The following SH3BGRL2 variants were observed in gnomAD, a reference collection of about 807,000 sequenced individuals.
The protein encoded by SH3BGRL2 is SH3 domain binding glutamate rich protein like 2.
A neutral mutation model predicts 14.8 loss-of-function variants in SH3BGRL2; 21 were observed. That is an observed-to-expected ratio of 1.42 (90% CI 1.01 to 2.05). SH3BGRL2 has a LOEUF of 2.05. Ranked by LOEUF, SH3BGRL2 falls within the 30% of genes most tolerant of loss-of-function variation. SH3BGRL2 has a pLI of 0.00. For synonymous variants in SH3BGRL2, 50 were observed against 47.8 expected (o/e 1.05, Z -0.19); for missense variants, 147 against 130.8 (o/e 1.12, Z -0.61).
the SH3BGRL2 span, among the ~76,000 whole-genome samples, chr6:79,567,485 T>A: frequency 1.3e-5 from 2 of 152,318 alleles, no homozygotes; most frequent in East Asian, 3.9e-4. Flanking sequence ...AGCAGGAACC[T>A]CAGTGACAGG....
chr6:79,581,759 A>C, the SH3BGRL2 span, among the ~76,000 whole-genome samples: 1 of 151,460 alleles, frequency 6.6e-6, no homozygotes, highest in Non-Finnish European at 1.5e-5. Flanking sequence ...TCACCACTTC[A>C]ACATAGTGTT....
At chr6:79,562,737 G>A in the SH3BGRL2 span, among the ~76,000 whole-genome samples, 1 of 152,154 alleles carries the variant, frequency 6.6e-6, no homozygotes, top group Non-Finnish European at 1.5e-5. Flanking sequence ...GGCCACATTG[G>A]AAGAAGAATT....
At chr6:79,578,741 C>T in the SH3BGRL2 span, among the ~76,000 whole-genome samples, 8 of 152,236 alleles carry the variant, frequency 5.3e-5, no homozygotes, top group African/African-American at 1.9e-4. Flanking sequence ...AGTGCCTCTT[C>T]TCCCACAAAG....
In SH3BGRL2 at chr6:79,701,526, A is replaced by G. The variant is rs1349466852; in HGVS notation, c.*2017A>G. ...TTTTTGAGTTAACCGTAGTATACCTATTATGATTATAGTAAACAGACTAGT... is the reference window on the plus strand; with the variant it reads ...TTTTTGAGTTAACCGTAGTATACCTGTTATGATTATAGTAAACAGACTAGT... On this transcript the variant is annotated 3_prime_UTR_variant, in exon 4 of 4. Transcript: ENST00000369838. 6.6e-6 allele frequency: 1 copy of G among 151,850 alleles called. No homozygotes were observed. Among genetic ancestry groups the G allele is most frequent in the African/African-American group, 2.4e-5 (1 of 41,340 alleles). The allele number at this position is 151,850 out of a possible 1,614,324, so 9.4% of individuals were successfully genotyped here. A position where few individuals can be genotyped will look rare whatever the true frequency, so the allele number is the denominator to read the frequency against.
chr6:79,621,835 T>C, the SH3BGRL2 span, among the ~76,000 whole-genome samples: 1 of 152,186 alleles, frequency 6.6e-6, no homozygotes, highest in African/African-American at 2.4e-5. Flanking sequence ...AGAAGTCTGC[T>C]GGAGTACTTC....
Position 79,671,023 on chromosome 6 carries a change from A to G in SH3BGRL2, c.46-2591A>G, listed in dbSNP as rs1359558978. ...TAAACATGATGTTGTAGCTGAGCAC[A>G]TTGCTTTTCTAAGTAAAACCAGCCT... On this transcript the variant is annotated intron_variant, in intron 1 of 3. Coordinates refer to ENST00000369838, the MANE Select transcript of SH3BGRL2 (RefSeq NM_031469.4). Among the ~76,000 whole-genome samples, 3 of 152,172 alleles carry G rather than the reference A, an allele frequency of 2.0e-5. No individual in the cohort carries two copies. In the South Asian group the frequency reaches 6.2e-4, roughly 32 times the overall value.
At chr6:79,590,354 C>G in the SH3BGRL2 span, among the ~76,000 whole-genome samples, 118 of 146,058 alleles carry the variant, frequency 8.1e-4, no homozygotes, top group African/African-American at 2.8e-3. Context: ...CATTGCAGCA[C>G]TATTCACAAT....
At chr6:79,658,951 T>G (rs1769482542) in intron 1 of SH3BGRL2, among the ~76,000 whole-genome samples, 1 of 152,220 alleles carries the variant, frequency 6.6e-6, no homozygotes, top group Non-Finnish European at 1.5e-5. Flanking sequence ...TTTTGAGAAG[T>G]GTCTGTTCAT....
Position 79,673,749 on chromosome 6 carries a change from C to A in SH3BGRL2, c.181C>A (p.Gln61Lys), listed in dbSNP as rs778281298. ...KNVPPEKKPT[Q>K]GNPLPPQIFN... Reference sequence around the variant, plus strand: ...CGTCCCCCCGGAAAAGAAACCCACTCAGGGCAACCCCCTGCCACCTCAGAT... The same window carrying A: ...CGTCCCCCCGGAAAAGAAACCCACTAAGGGCAACCCCCTGCCACCTCAGAT... Residue 61 changes from glutamine to lysine, a missense_variant, in exon 2 of 4, where the codon CAG (glutamine) becomes AAG (lysine). Coordinates refer to ENST00000369838, the MANE Select transcript of SH3BGRL2 (RefSeq NM_031469.4). 1 of 1,614,134 alleles carries A rather than the reference C, an allele frequency of 6.2e-7. No homozygotes were observed.
the SH3BGRL2 span, among the ~76,000 whole-genome samples, chr6:79,566,045 G>A: frequency 6.6e-6 from 1 of 152,328 alleles, no homozygotes; most frequent in African/African-American, 2.4e-5. Flanking sequence ...ACTGAGATGA[G>A]TGGTATGCCA....
the SH3BGRL2 span, among the ~76,000 whole-genome samples, chr6:79,567,926 G>A: frequency 2.0e-5 from 3 of 152,192 alleles, no homozygotes; most frequent in East Asian, 5.8e-4. Flanking sequence ...AATGGGCAGC[G>A]ACTATGGATA....
At chr6:79,558,580 A>C in the SH3BGRL2 span, among the ~76,000 whole-genome samples, 1 of 152,104 alleles carries the variant, frequency 6.6e-6, no homozygotes. Flanking sequence ...CATAAGAAAG[A>C]TTGGCCCGGT....
chr6:79,671,701 C>T (rs6924706), intron 1 of SH3BGRL2, among the ~76,000 whole-genome samples: 3,986 of 152,292 alleles, frequency 0.026, 75 homozygotes, highest in Non-Finnish European at 0.035. Flanking sequence ...CCTGTTACCG[C>T]ATGGGAAGCC....
chr6:79,661,936 A>G (rs1769557964), intron 1 of SH3BGRL2, among the ~76,000 whole-genome samples: 1 of 152,122 alleles, frequency 6.6e-6, no homozygotes, highest in South Asian at 2.1e-4. Context: ...CTGTTTTATC[A>G]GAGACTAGGA....
the SH3BGRL2 span, among the ~76,000 whole-genome samples, chr6:79,615,940 C>T: frequency 1.3e-5 from 2 of 150,820 alleles, no homozygotes; most frequent in Admixed American, 6.6e-5. Context: ...CCTCAGCCTC[C>T]GGAGTAGCTG....
chr6:79,548,470 G>C, the SH3BGRL2 span, among the ~76,000 whole-genome samples: 1 of 152,110 alleles, frequency 6.6e-6, no homozygotes, highest in South Asian at 2.1e-4. Flanking sequence ...TCAGCCAGCG[G>C]GAGTTTTGAT....
intron 1 of SH3BGRL2, among the ~76,000 whole-genome samples, chr6:79,669,721 A>T (rs113126551): frequency 6.6e-6 from 1 of 152,146 alleles, no homozygotes; most frequent in African/African-American, 2.4e-5. Context: ...CTGGGATTAC[A>T]GGAGTGACCC....
At chr6:79,566,303 G>A in the SH3BGRL2 span, among the ~76,000 whole-genome samples, 1 of 152,126 alleles carries the variant, frequency 6.6e-6, no homozygotes, top group African/African-American at 2.4e-5. Context: ...CCTTAATTGA[G>A]CAGCAGTCCC....
chr6:79,631,625 G>T, intron 1 of SH3BGRL2, 119 bp downstream of exon 1: 2 of 684,756 alleles, frequency 2.9e-6, no homozygotes, highest in South Asian at 5.7e-5. Flanking sequence ...GGGAGCCCGC[G>T]CCCGGCAGGT....
Sources: allele counts gnomAD v4.1 joint callset (sites outside exome capture counted in the v4.1 genomes callset), GRCh38; gene constraint gnomAD v4.1.1; transcripts MANE v1.5; gene names NCBI Gene and HGNC (gene_info 2026-07-23, HGNC 2026-07-21).